The following SND1 variants were observed in gnomAD, a reference collection of about 807,000 sequenced individuals.
SND1 encodes staphylococcal nuclease domain-containing protein 1.
SND1 carries 38 observed loss-of-function variants against 121.7 expected under a neutral mutation model. The ratio of observed to expected loss-of-function variants is 0.31; its 90% CI spans 0.24 to 0.41. The LOEUF (loss-of-function observed/expected upper bound fraction) is 0.41. Ranked by LOEUF, SND1 falls within the 10% of genes least tolerant of loss-of-function variation. SND1 has a pLI of 1.00. For synonymous variants in SND1, 401 were observed against 447.4 expected, an observed-to-expected ratio of 0.90 and a Z score of 1.31; for missense variants, 868 against 1,184.6, an observed-to-expected ratio of 0.73 and a Z score of 3.92.
chr7:127,798,496 T>C (rs1798066879), intron 10 of SND1, among the ~76,000 whole-genome samples: 1 of 152,226 alleles, frequency 6.6e-6, no homozygotes, highest in South Asian at 2.1e-4. Flanking sequence ...TTTGTCACTG[T>C]TACTACAATG....
chr7:127,978,798 T>C (rs1802189252), intron 15 of SND1, among the ~76,000 whole-genome samples: 1 of 152,222 alleles, frequency 6.6e-6, no homozygotes, highest in African/African-American at 2.4e-5. Flanking sequence ...GCGATTCTCC[T>C]GCGTCAGCCT....
chr7:127,686,130 T>TC (rs1795809012), intron 1 of SND1: 1 of 153,052 alleles, frequency 6.5e-6, no homozygotes, highest in Non-Finnish European at 1.5e-5. Flanking sequence ...CCTCAGGTGA[T>TC]CCACCCGCCT....
At chr7:128,068,363 C>G (rs946130912) in intron 16 of SND1, among the ~76,000 whole-genome samples, 3 of 151,968 alleles carry the variant, frequency 2.0e-5, no homozygotes, top group Non-Finnish European at 4.4e-5. Flanking sequence ...AAGCCATCAT[C>G]CATTGCCTGG....
At chr7:127,798,655 C>T (rs1460384101) in intron 10 of SND1, among the ~76,000 whole-genome samples, 1 of 152,036 alleles carries the variant, frequency 6.6e-6, no homozygotes, top group East Asian at 1.9e-4. Flanking sequence ...ACTCTGACCC[C>T]CTCTTTGTTT....
chr7:127,970,381 A>G (rs972527327), intron 15 of SND1, among the ~76,000 whole-genome samples: 3 of 152,240 alleles, frequency 2.0e-5, no homozygotes, highest in African/African-American at 7.2e-5. Context: ...TATTTCCAGT[A>G]ACGTCCTCTG....
At chr7:127,936,867 C>A (rs370937178) in intron 15 of SND1, among the ~76,000 whole-genome samples, 4 of 152,202 alleles carry the variant, frequency 2.6e-5, no homozygotes, top group Admixed American at 6.5e-5. Context: ...ACCTAAAAGC[C>A]CCCAGTGGGT....
At chr7:128,009,846 C>T (rs767314758) in intron 16 of SND1, among the ~76,000 whole-genome samples, 3 of 151,740 alleles carry the variant, frequency 2.0e-5, no homozygotes, top group African/African-American at 2.4e-5. Context: ...AAGGGTCACA[C>T]ACGATGCCAA....
chr7:128,034,634 G>C (rs768852239), intron 16 of SND1, among the ~76,000 whole-genome samples: 7 of 152,188 alleles, frequency 4.6e-5, no homozygotes, highest in Non-Finnish European at 1.0e-4. Flanking sequence ...AGTTGGGTCA[G>C]ACCAGTACTT....
intron 12 of SND1, among the ~76,000 whole-genome samples, chr7:127,864,248 G>A (rs1308199868): frequency 1.5e-5 from 2 of 134,642 alleles, no homozygotes; most frequent in Non-Finnish European, 3.0e-5. Flanking sequence ...TTTCTCTTGA[G>A]CCCTATCAAA....
At chr7:127,825,615 C>T (rs1051571369) in intron 11 of SND1, among the ~76,000 whole-genome samples, 1 of 151,462 alleles carries the variant, frequency 6.6e-6, no homozygotes. Flanking sequence ...CCATGTTGGC[C>T]AGGCTGGTCT....
chr7:127,788,385 TA>T (rs1233880355), intron 10 of SND1, among the ~76,000 whole-genome samples: 1 of 152,224 alleles, frequency 6.6e-6, no homozygotes, highest in Non-Finnish European at 1.5e-5. Flanking sequence ...ATAGAATATT[TA>T]TGAATCATTC....
chr7:127,713,062 G>A (rs1194449648), intron 9 of SND1, among the ~76,000 whole-genome samples: 1 of 152,202 alleles, frequency 6.6e-6, no homozygotes, highest in Non-Finnish European at 1.5e-5. Flanking sequence ...CTAATATGTT[G>A]TAAAACAGGG....
At chr7:127,804,680 A>G (rs1798199518) in intron 10 of SND1, among the ~76,000 whole-genome samples, 1 of 152,014 alleles carries the variant, frequency 6.6e-6, no homozygotes, top group Non-Finnish European at 1.5e-5. Flanking sequence ...CCGAGATGGG[A>G]GGACTGCCTG....
At chr7:127,707,261 G>T (rs527429867) in intron 8 of SND1, among the ~76,000 whole-genome samples, 1 of 152,200 alleles carries the variant, frequency 6.6e-6, no homozygotes, top group East Asian at 1.9e-4. Flanking sequence ...TTTTTTTGTA[G>T]TAGTCACCCA....
At chr7:127,808,979 G>A (rs770578191) in intron 11 of SND1, among the ~76,000 whole-genome samples, 2 of 152,218 alleles carry the variant, frequency 1.3e-5, no homozygotes, top group Non-Finnish European at 1.5e-5. Context: ...GTAGCCAGTT[G>A]TGTGGCGTGT....
At chr7:127,990,845 T>C in intron 15 of SND1, 102 bp from the exon 16 acceptor site, 4 of 708,592 alleles carry the variant, frequency 5.6e-6, no homozygotes, top group South Asian at 1.8e-5. Context: ...GGAAGTTAGA[T>C]GTAACGCCTG....
At chr7:127,900,447 A>T (rs1473482943) in intron 13 of SND1, among the ~76,000 whole-genome samples, 1 of 152,158 alleles carries the variant, frequency 6.6e-6, no homozygotes, top group Admixed American at 6.6e-5. Flanking sequence ...GAGACTGCAA[A>T]CCTAAGAGCA....
chr7:127,864,405 A>G (rs960074894), intron 12 of SND1, among the ~76,000 whole-genome samples: 2 of 151,784 alleles, frequency 1.3e-5, no homozygotes, highest in Non-Finnish European at 2.9e-5. Flanking sequence ...ACCAGCAACC[A>G]TCCATCCACT....
intron 11 of SND1, 145 bp downstream of exon 11, chr7:127,807,718 C>G: frequency 1.5e-6 from 1 of 667,732 alleles, no homozygotes; most frequent in Non-Finnish European, 2.6e-6. Flanking sequence ...TGAAGAGAGG[C>G]GTGTTTATGT....
Sources: allele counts gnomAD v4.1 joint callset (sites outside exome capture counted in the v4.1 genomes callset), GRCh38; gene constraint gnomAD v4.1.1; transcripts MANE v1.5; gene names NCBI Gene and HGNC (gene_info 2026-07-23, HGNC 2026-07-21).